Variants in TENM1 observed in about 807,000 individuals in gnomAD.
TENM1 encodes the protein teneurin transmembrane protein 1.
In TENM1, 35 loss-of-function variants were observed where a neutral mutation model predicts 174.8. The observed-to-expected ratio is 0.20, with a 90% CI of 0.15 to 0.27. The LOEUF is 0.27. TENM1 is among the 10% of genes least tolerant of loss of function. The pLI is 1.00. For missense variants in TENM1, 1,633 were observed against 2,130.1 expected, an observed-to-expected ratio of 0.77 and a Z score of 4.59; for synonymous variants, 781 against 798.7, an observed-to-expected ratio of 0.98 and a Z score of 0.37.
At chrX:124,481,847 A>T (rs769363679) in exon 22 of TENM1, 3 of 1,206,354 alleles carry the variant, frequency 2.5e-6, no homozygotes, top group Non-Finnish European at 2.2e-6. Flanking sequence ...TCTTGGACAG[A>T]TCTTTCGTCT....
chrX:124,517,131 C>T (rs1037373304), intron 18 of TENM1, among the ~76,000 whole-genome samples: 23 of 110,201 alleles, frequency 2.1e-4, no homozygotes, highest in African/African-American at 7.3e-4. Flanking sequence ...GGGAACAACA[C>T]ACACTGGGGC....
intron 1 of TENM1, among the ~76,000 whole-genome samples, chrX:124,933,189 T>C (rs1001090421): frequency 7.1e-5 from 8 of 112,229 alleles, no homozygotes; most frequent in African/African-American, 2.6e-4. Context: ...ATTTTTATGC[T>C]GGGGTAGCAG....
At chrX:125,062,970 A>G in the TENM1 span, among the ~76,000 whole-genome samples, 1 of 112,641 alleles carries the variant, frequency 8.9e-6, no homozygotes. Flanking sequence ...GATAAATGAC[A>G]GCACAATTAA....
chrX:124,555,398 G>A (rs1256419317), intron 14 of TENM1, among the ~76,000 whole-genome samples: 1 of 111,874 alleles, frequency 8.9e-6, no homozygotes, highest in Non-Finnish European at 1.9e-5. Context: ...ACTCTTCACA[G>A]TTGTAAATAT....
intron 6 of TENM1, among the ~76,000 whole-genome samples, chrX:124,659,792 G>A (rs1166067560): frequency 1.8e-5 from 2 of 111,542 alleles, no homozygotes; most frequent in Non-Finnish European, 3.8e-5. Context: ...TAGATCAATG[G>A]AATACAACTG....
chrX:125,008,144 A>C, the TENM1 span, among the ~76,000 whole-genome samples: 4 of 111,373 alleles, frequency 3.6e-5, no homozygotes, highest in African/African-American at 1.3e-4. Context: ...CCAATCTCAC[A>C]TGCAAAGACA....
chrX:124,623,891 G>T (rs1218075712), intron 11 of TENM1, among the ~76,000 whole-genome samples: 1 of 111,657 alleles, frequency 9.0e-6, no homozygotes, highest in African/African-American at 3.3e-5. Context: ...CCTTGAAGTT[G>T]CAGAGAGCAC....
At chrX:124,962,413 CTCT>C (rs1238153082) in intron 1 of TENM1, among the ~76,000 whole-genome samples, 3 of 111,900 alleles carry the variant, frequency 2.7e-5, no homozygotes, top group African/African-American at 9.8e-5. Flanking sequence ...AGAATTTACA[CTCT>C]AAAAAAATTC....
At chrX:125,060,119 T>A in the TENM1 span, among the ~76,000 whole-genome samples, 1 of 107,960 alleles carries the variant, frequency 9.3e-6, no homozygotes, top group Non-Finnish European at 1.9e-5. Flanking sequence ...TTCCTTATAA[T>A]CAATTTTTCT....
chrX:124,666,147 GAT>G (rs1334083151), intron 6 of TENM1, among the ~76,000 whole-genome samples: 1 of 111,762 alleles, frequency 8.9e-6, no homozygotes, highest in African/African-American at 3.3e-5. Context: ...ACTTTGTGGA[GAT>G]AGATTGTGCA....
the TENM1 span, among the ~76,000 whole-genome samples, chrX:124,998,991 T>C: frequency 2.6e-3 from 285 of 111,148 alleles, 1 homozygote; most frequent in African/African-American, 8.9e-3. Flanking sequence ...AAAAAATAAG[T>C]TGGAATTAAC....
At chrX:124,801,281 G>T in intron 3 of TENM1, among the ~76,000 whole-genome samples, 1 of 111,278 alleles carries the variant, frequency 9.0e-6, no homozygotes, top group South Asian at 3.8e-4. Context: ...TTGGTGTATT[G>T]GGTGTATATA....
chrX:124,741,310 A>G (rs1483907404), intron 3 of TENM1, among the ~76,000 whole-genome samples: 1 of 111,973 alleles, frequency 8.9e-6, no homozygotes. Context: ...AAGCTTTCAC[A>G]AGAAATTAGA....
Position 124,688,586 on chromosome X carries a change from C to A in TENM1, c.1015+16427G>T, listed in dbSNP as rs143041708. 2.1e-5 allele frequency: 3 copies of A among 141,878 alleles called. No individual in the cohort carries two copies. In the East Asian group the frequency reaches 5.0e-4, roughly 24 times the overall value. 11.7% of individuals were successfully genotyped at this position (141,878 alleles called of 1,213,427 possible). On this transcript the variant is annotated intron_variant, in intron 5 of 31. Coordinates refer to ENST00000422452, the Ensembl canonical transcript of TENM1. Reference sequence around the variant, plus strand: ...GGGTGTTTAGTCCTTGCAGGCTTCACGAGATCAATTCCTGACTACCTTGCT... The same window carrying A: ...GGGTGTTTAGTCCTTGCAGGCTTCAAGAGATCAATTCCTGACTACCTTGCT...
At chrX:125,168,916 G>T in the TENM1 span, among the ~76,000 whole-genome samples, 9 of 110,658 alleles carry the variant, frequency 8.1e-5, no homozygotes, top group Non-Finnish European at 7.6e-5. Context: ...ATAATAAATT[G>T]GTGTCATTGC....
At chrX:125,165,055 T>C in the TENM1 span, among the ~76,000 whole-genome samples, 1 of 112,064 alleles carries the variant, frequency 8.9e-6, no homozygotes, top group Non-Finnish European at 1.9e-5. Context: ...ACATTGAGTG[T>C]CTGTCATTAC....
chrX:124,966,815 G>A (rs2058733617), upstream of TENM1, among the ~76,000 whole-genome samples: 1 of 111,826 alleles, frequency 8.9e-6, no homozygotes, highest in African/African-American at 3.2e-5. Context: ...CATGAAGGGA[G>A]GCATTTTTAT....
At chrX:124,604,629 T>C (rs1261399084) in intron 11 of TENM1, among the ~76,000 whole-genome samples, 2 of 111,341 alleles carry the variant, frequency 1.8e-5, no homozygotes, top group African/African-American at 6.5e-5. Flanking sequence ...ATGTCTAAGA[T>C]GGCGTCTTCA....
chrX:124,399,686 G>A (rs1431559368), intron 27 of TENM1, among the ~76,000 whole-genome samples: 4 of 111,991 alleles, frequency 3.6e-5, no homozygotes, highest in Non-Finnish European at 7.5e-5. Context: ...ACAAAAATAG[G>A]CTAGGCACGG....
Sources: allele counts gnomAD v4.1 joint callset (sites outside exome capture counted in the v4.1 genomes callset), GRCh38; gene constraint gnomAD v4.1.1; transcripts MANE v1.5; gene names NCBI Gene and HGNC (gene_info 2026-07-23, HGNC 2026-07-21).